Variants in RBPJ observed in about 807,000 individuals in gnomAD.
RBPJ encodes recombination signal binding protein for immunoglobulin kappa J region, also known as recombining binding protein suppressor of hairless.
A neutral mutation model predicts 67.8 loss-of-function variants in RBPJ; 9 were observed. That is an observed-to-expected ratio of 0.13 (90% CI 0.08 to 0.23). RBPJ has a LOEUF of 0.23. RBPJ is among the 10% of genes least tolerant of loss of function. The probability of loss-of-function intolerance (pLI) is 1.00; values close to 1 mark genes in which losing one functional copy is unlikely to be tolerated. For missense variants in RBPJ, 305 were observed against 595.6 expected (o/e 0.51, Z 5.08); for synonymous variants, 198 against 203.3 (o/e 0.97, Z 0.22).
chr4:26,110,622 C>T, the RBPJ span, among the ~76,000 whole-genome samples: 1 of 152,214 alleles, frequency 6.6e-6, no homozygotes, highest in Admixed American at 6.5e-5. This position sits in a 1 kb window ranked among gnomAD's most constrained non-coding sequence, Gnocchi z 4.5. Context: ...GGAAACACAA[C>T]ATTTTCCAGT....
chr4:26,325,850 GGGA>G (rs1723575053), intron 1 of RBPJ, among the ~76,000 whole-genome samples: 2 of 152,102 alleles, frequency 1.3e-5, no homozygotes, highest in Non-Finnish European at 2.9e-5. Flanking sequence ...TCAAGACTAA[GGGA>G]ATATTCTAAC....
chr4:26,138,374 A>AG, the RBPJ span, among the ~76,000 whole-genome samples: 3 of 12,890 alleles, frequency 2.3e-4, no homozygotes, highest in Admixed American at 1.9e-3. Flanking sequence ...GGCACTAGAG[A>AG]AAAAAAAAAA....
chr4:26,116,569 C>T, the RBPJ span, among the ~76,000 whole-genome samples: 5 of 152,164 alleles, frequency 3.3e-5, no homozygotes, highest in South Asian at 2.1e-4. Flanking sequence ...CTCAGCTCCC[C>T]GGGACATGCC....
intron 5 of RBPJ, among the ~76,000 whole-genome samples, chr4:26,423,046 G>A (rs191208886): frequency 3.9e-4 from 60 of 152,234 alleles, no homozygotes; most frequent in Middle Eastern, 3.4e-3. Flanking sequence ...AGATTTCCAC[G>A]TACTAGATTT....
upstream of RBPJ, among the ~76,000 whole-genome samples, chr4:26,316,488 C>CAT (rs1281230007): frequency 3.4e-5 from 3 of 88,792 alleles, no homozygotes; most frequent in African/African-American, 1.2e-4. Flanking sequence ...TATACATATT[C>CAT]ATATATATAT....
intron 1 of RBPJ, among the ~76,000 whole-genome samples, chr4:26,209,014 T>C (rs1718266773): frequency 6.6e-6 from 1 of 152,042 alleles, no homozygotes; most frequent in Non-Finnish European, 1.5e-5. Flanking sequence ...TTTCTTTGTT[T>C]TGTTGCAGCT....
At chr4:26,164,975 A>G (rs1172344579) in intron 1 of RBPJ, among the ~76,000 whole-genome samples, 1 of 152,188 alleles carries the variant, frequency 6.6e-6, no homozygotes, top group African/African-American at 2.4e-5. Context: ...CCATAGACAA[A>G]CAATGGACTA....
upstream of RBPJ, among the ~76,000 whole-genome samples, chr4:26,316,376 CAT>C (rs571044201): frequency 4.9e-5 from 7 of 143,568 alleles, no homozygotes; most frequent in South Asian, 2.2e-4. Context: ...TATATACATT[CAT>C]ATATATACAT....
intron 1 of RBPJ, among the ~76,000 whole-genome samples, chr4:26,367,174 T>G (rs992989534): frequency 2.0e-5 from 3 of 151,056 alleles, no homozygotes; most frequent in Non-Finnish European, 4.4e-5. Context: ...AATAAAATGA[T>G]GATGCACGCT....
At chr4:26,341,633 C>CAAAAAA (rs35755502) in intron 1 of RBPJ, among the ~76,000 whole-genome samples, 2 of 144,442 alleles carry the variant, frequency 1.4e-5, no homozygotes, top group African/African-American at 5.1e-5. Flanking sequence ...CAAAACAAAA[C>CAAAAAA]AAAAAAAAAC....
chr4:26,323,763 C>T (rs1453137994), intron 1 of RBPJ, among the ~76,000 whole-genome samples: 2 of 152,048 alleles, frequency 1.3e-5, no homozygotes, highest in African/African-American at 2.4e-5. Flanking sequence ...GGTTGACAGG[C>T]CATTCTTGCC....
At chr4:26,171,179 C>T (rs544514963) in intron 1 of RBPJ, among the ~76,000 whole-genome samples, 1 of 152,308 alleles carries the variant, frequency 6.6e-6, no homozygotes, top group Admixed American at 6.5e-5. Context: ...TATAATTTCT[C>T]TTCCTATTTT....
chr4:26,357,780 A>G (rs1727557135), intron 1 of RBPJ, among the ~76,000 whole-genome samples: 1 of 152,034 alleles, frequency 6.6e-6, no homozygotes, highest in Non-Finnish European at 1.5e-5. Context: ...GTCTCTATGA[A>G]TTTGACTACT....
intron 1 of RBPJ, among the ~76,000 whole-genome samples, chr4:26,385,799 TA>T (rs1224363250): frequency 1.0e-3 from 157 of 151,182 alleles, no homozygotes; most frequent in African/African-American, 3.5e-3. Context: ...ATTATTTATT[TA>T]TTTTTTTATT....
chr4:26,119,746 G>A, the RBPJ span, among the ~76,000 whole-genome samples: 1 of 152,288 alleles, frequency 6.6e-6, no homozygotes, highest in African/African-American at 2.4e-5. Context: ...CTATATTACA[G>A]TGGCATTATC....
upstream of RBPJ, chr4:26,320,419 C>G (rs1441857047): frequency 2.9e-6 from 1 of 344,906 alleles, no homozygotes; most frequent in Non-Finnish European, 5.3e-6. Context: ...AGACAGTCCC[C>G]GACGTGTCAC....
At chr4:26,379,997 A>G (rs1166377790) in intron 1 of RBPJ, among the ~76,000 whole-genome samples, 1 of 152,186 alleles carries the variant, frequency 6.6e-6, no homozygotes, top group African/African-American at 2.4e-5. Flanking sequence ...TACCTAGCCA[A>G]GTTTCGAGCA....
intron 1 of RBPJ, among the ~76,000 whole-genome samples, chr4:26,248,309 C>A (rs1201666214): frequency 6.6e-6 from 1 of 152,110 alleles, no homozygotes; most frequent in Non-Finnish European, 1.5e-5. Flanking sequence ...ATCAATCAAT[C>A]AATAAAATAT....
chr4:26,319,777 G>C (rs1722826529), upstream of RBPJ: 2 of 1,191,324 alleles, frequency 1.7e-6, no homozygotes, highest in Non-Finnish European at 2.5e-6. Context: ...ACAGGTTTCG[G>C]GCGGCGAATT....
Sources: allele counts gnomAD v4.1 joint callset (sites outside exome capture counted in the v4.1 genomes callset), GRCh38; gene constraint gnomAD v4.1.1; non-coding constraint Gnocchi (gnomAD v3.1); transcripts MANE v1.5; gene names NCBI Gene and HGNC (gene_info 2026-07-23, HGNC 2026-07-21).